The following LRRTM4 variants were observed in gnomAD, a reference collection of about 807,000 sequenced individuals.
LRRTM4 encodes the protein leucine-rich repeat transmembrane neuronal protein 4.
A neutral mutation model predicts 47.6 loss-of-function variants in LRRTM4; 25 were observed. The ratio of observed to expected loss-of-function variants is 0.53; its 90% CI spans 0.38 to 0.73. The LOEUF is 0.73. Ranked by LOEUF, LRRTM4 falls within the 30% of genes least tolerant of loss-of-function variation. LRRTM4 has a pLI of 0.00. For synonymous variants in LRRTM4, 311 were observed against 269.5 expected (o/e 1.15, Z -1.51); for missense variants, 638 against 713.4 (o/e 0.89, Z 1.20).
Position 76,959,161 on chromosome 2 carries a change from C to T in LRRTM4, c.1552-210245G>A, listed in dbSNP as rs376615538. 1.1e-4 allele frequency among the ~76,000 whole-genome samples: 16 copies of T among 151,768 alleles called. No individual in the cohort carries two copies. In the East Asian group the frequency reaches 2.9e-3, roughly 28 times the overall value. On this transcript the variant is annotated intron_variant, in intron 3 of 3. Transcript: ENST00000409884. ...TGAAATTTTAAATTTAATGTCTTTT[C>T]GTAATCTTCACTTTCAATATTCTAT...
intron 3 of LRRTM4, among the ~76,000 whole-genome samples, chr2:76,954,560 T>A (rs1260691527): frequency 6.6e-6 from 1 of 151,174 alleles, no homozygotes; most frequent in Non-Finnish European, 1.5e-5. Flanking sequence ...AAGTATACCA[T>A]CAAATGAACA....
At chr2:76,992,515 C>T (rs1369500721) in intron 3 of LRRTM4, among the ~76,000 whole-genome samples, 1 of 151,356 alleles carries the variant, frequency 6.6e-6, no homozygotes, top group Non-Finnish European at 1.5e-5. Flanking sequence ...AAATCAAGAA[C>T]ATTTTTCAAC....
intron 3 of LRRTM4, among the ~76,000 whole-genome samples, chr2:77,447,722 C>G (rs918907788): frequency 1.3e-5 from 2 of 152,020 alleles, no homozygotes; most frequent in Admixed American, 1.3e-4. Flanking sequence ...GAGTATCAGA[C>G]CCCTAACTCT....
intron 3 of LRRTM4, among the ~76,000 whole-genome samples, chr2:77,406,897 C>A (rs1247275640): frequency 2.0e-5 from 3 of 152,068 alleles, no homozygotes; most frequent in African/African-American, 4.8e-5. Flanking sequence ...GTCTTTCCAT[C>A]CTAGTGGGAA....
intron 3 of LRRTM4, among the ~76,000 whole-genome samples, chr2:77,402,284 T>A (rs1233607176): frequency 6.6e-6 from 1 of 151,948 alleles, no homozygotes; most frequent in Non-Finnish European, 1.5e-5. Flanking sequence ...GGGCTAGTAA[T>A]ACAGGTGTGT....
chr2:77,130,355 A>T (rs928567244), intron 3 of LRRTM4, among the ~76,000 whole-genome samples: 1 of 151,990 alleles, frequency 6.6e-6, no homozygotes, highest in Non-Finnish European at 1.5e-5. Flanking sequence ...TTAGTTTTCC[A>T]TGTCATTATT....
intron 3 of LRRTM4, among the ~76,000 whole-genome samples, chr2:77,387,101 C>G (rs1673308875): frequency 6.6e-6 from 1 of 152,010 alleles, no homozygotes; most frequent in Admixed American, 6.6e-5. Flanking sequence ...ACTTTCCCTA[C>G]CTATGCAATT....
chr2:77,318,894 T>TTA (rs1677699433), intron 3 of LRRTM4, among the ~76,000 whole-genome samples: 1 of 151,364 alleles, frequency 6.6e-6, no homozygotes, highest in African/African-American at 2.4e-5. Context: ...CTTTTTTTTT[T>TTA]ATCTTGAAAC....
At chr2:77,436,609 T>C (rs572397762) in intron 3 of LRRTM4, among the ~76,000 whole-genome samples, 2 of 151,978 alleles carry the variant, frequency 1.3e-5, no homozygotes, top group South Asian at 2.1e-4. Flanking sequence ...AACAAACGAA[T>C]AGATTCTAGA....
intron 3 of LRRTM4, among the ~76,000 whole-genome samples, chr2:77,360,085 A>G (rs1439594723): frequency 2.0e-5 from 3 of 152,202 alleles, no homozygotes; most frequent in Non-Finnish European, 4.4e-5. Flanking sequence ...GATAACTCAT[A>G]CCAATTTTAT....
chr2:77,420,982 G>C (rs866101270), intron 3 of LRRTM4, among the ~76,000 whole-genome samples: 31 of 150,088 alleles, frequency 2.1e-4, no homozygotes, highest in Middle Eastern at 3.5e-3. Flanking sequence ...GCTCCTTGGA[G>C]AAATAGTGGG....
At chr2:76,898,868 T>G (rs1673517747) in intron 3 of LRRTM4, among the ~76,000 whole-genome samples, 1 of 151,648 alleles carries the variant, frequency 6.6e-6, no homozygotes, top group Admixed American at 6.6e-5. Flanking sequence ...TACTTTTAAT[T>G]TTTACATACG....
chr2:76,956,762 T>C (rs1446016147), intron 3 of LRRTM4, among the ~76,000 whole-genome samples: 2 of 150,482 alleles, frequency 1.3e-5, no homozygotes, highest in African/African-American at 4.9e-5. Context: ...ACAGGAGACA[T>C]TACAAATAAG....
At chr2:77,388,797 T>G (rs189259859) in intron 3 of LRRTM4, among the ~76,000 whole-genome samples, 82 of 152,136 alleles carry the variant, frequency 5.4e-4, no homozygotes, top group Middle Eastern at 3.4e-3. Context: ...TAGAGAGAGA[T>G]ATATAGATAA....
intron 3 of LRRTM4, among the ~76,000 whole-genome samples, chr2:76,939,177 T>G (rs191506125): frequency 3.0e-4 from 46 of 152,338 alleles, no homozygotes; most frequent in African/African-American, 1.1e-3. Context: ...GATTGTATTT[T>G]TAGGTTGATG....
chr2:77,065,690 G>T (rs1054413832), intron 3 of LRRTM4, among the ~76,000 whole-genome samples: 1 of 152,152 alleles, frequency 6.6e-6, no homozygotes, highest in Non-Finnish European at 1.5e-5. Flanking sequence ...ACAGGAACAA[G>T]ACATTTTGCT....
At position 76,784,774 on chromosome 2, in the gene LRRTM4, A is replaced by T. The variant is rs1046369562; in HGVS notation, c.1552-35858T>A. Among the ~76,000 whole-genome samples the T allele has an allele frequency of 4.0e-5, 6 of 150,796 alleles. No individual in the cohort carries two copies. The South Asian group carries it at 1.3e-3, about 32-fold the overall frequency. On this transcript the variant is annotated intron_variant, in intron 3 of 3. Coordinates refer to ENST00000409884, the MANE Select transcript of LRRTM4 (RefSeq NM_001134745.3). ...TGGCCAGTAATGTTGTCAAGATTGA[A>T]TTCTTTTTGTATGGTTTTTTATTTA...
chr2:77,015,075 T>C (rs1215654473), intron 3 of LRRTM4, among the ~76,000 whole-genome samples: 5 of 152,212 alleles, frequency 3.3e-5, no homozygotes, highest in Admixed American at 2.0e-4. Flanking sequence ...ATGAGTCTGA[T>C]TAGATCAGTA....
At chr2:76,837,494 C>G (rs1289081520) in intron 3 of LRRTM4, among the ~76,000 whole-genome samples, 1 of 151,960 alleles carries the variant, frequency 6.6e-6, no homozygotes, top group Non-Finnish European at 1.5e-5. Flanking sequence ...TTGGATCTTT[C>G]CTGCTTTCTC....
Sources: gnomAD v4.1 joint callset for allele counts (sites outside exome capture counted in the v4.1 genomes callset) on GRCh38, gnomAD v4.1.1 for gene constraint, MANE v1.5 for transcripts, NCBI Gene and HGNC (gene_info 2026-07-23, HGNC 2026-07-21) for gene names.